The following ITGAE variants were observed in gnomAD, a reference collection of about 807,000 sequenced individuals.
ITGAE encodes integrin alpha-E.
A neutral mutation model predicts 136.5 loss-of-function variants in ITGAE; 99 were observed. The observed-to-expected ratio is 0.73, with a 90% CI of 0.62 to 0.86. The LOEUF (loss-of-function observed/expected upper bound fraction) is 0.86, where lower values mean the gene tolerates loss of function less well. Among genes scored for constraint, ITGAE ranks in the 40% least tolerant of loss-of-function variants. The pLI is 0.00. For missense variants in ITGAE, 1,447 were observed against 1,515.3 expected (o/e 0.95, Z 0.75); for synonymous variants, 613 against 591.8 (o/e 1.04, Z -0.52).
intron 20 of ITGAE, among the ~76,000 whole-genome samples, chr17:3,736,994 A>C (rs1040432281): frequency 2.0e-5 from 3 of 151,638 alleles, no homozygotes; most frequent in African/African-American, 7.3e-5. Flanking sequence ...TGCCTGAAAT[A>C]AGGAAACAGT....
rs1352631305 is a variant in ITGAE, at chr17:3,714,655, T to TACCA, written c.*188_*191dup. ...CAAAGAAAAGTGTAAATTTATTTAATACCAAATGTTTCCTAAGTTTACTTT... is the reference window on the plus strand; with the variant it reads ...CAAAGAAAAGTGTAAATTTATTTAATACCAACCAAATGTTTCCTAAGTTTACTTT... On this transcript the variant is annotated 3_prime_UTR_variant, in exon 31 of 31. Transcript: ENST00000263087. 1 of 451,046 alleles carries TACCA rather than the reference T, an allele frequency of 2.2e-6. No individual in the cohort carries two copies. The highest frequency in any genetic ancestry group is 3.5e-5 in the East Asian group (1 of 28,874). The allele number at this position is 451,046 out of a possible 1,614,324, so 27.9% of individuals were successfully genotyped here. A position where few individuals can be genotyped will look rare whatever the true frequency, so the allele number is the denominator to read the frequency against.
At position 3,776,054 on chromosome 17, in the gene ITGAE, C is replaced by CTTTTT. The variant is rs71153398; in HGVS notation, c.155+1481_155+1485dup. On this transcript the variant is annotated intron_variant, in intron 2 of 30. Coordinates refer to ENST00000263087, the MANE Select transcript of ITGAE (RefSeq NM_002208.5). Reference sequence around the variant, plus strand: ...ATGTGGCCAGAAATTGTGCTAAGCCCTTTTTTTTTTTTTTTTTTTTTGAGA... The same window carrying CTTTTT: ...ATGTGGCCAGAAATTGTGCTAAGCCCTTTTTTTTTTTTTTTTTTTTTTTTTTGAGA... 7.8e-4 allele frequency among the ~76,000 whole-genome samples: 96 copies of CTTTTT among 122,824 alleles called. 1 individual carries two copies. The highest frequency in any genetic ancestry group is 1.2e-3 in the African/African-American group (39 of 31,346). 80.6% of individuals were successfully genotyped at this position (122,824 alleles called of 152,430 possible).
At chr17:3,739,765 G>A (rs1204626592) in intron 20 of ITGAE, 40 bp downstream of exon 20, 2 of 1,557,120 alleles carry the variant, frequency 1.3e-6, no homozygotes, top group South Asian at 1.1e-5. Context: ...GCGTTCGGGA[G>A]AAGGTTAATC....
At chr17:3,734,731 C>G in intron 21 of ITGAE, 86 bp downstream of exon 21, 1 of 1,529,378 alleles carries the variant, frequency 6.5e-7, no homozygotes, top group Non-Finnish European at 9.0e-7. Context: ...GGCAGGGGTG[C>G]CAGTGAGGGG....
intron 1 of ITGAE, among the ~76,000 whole-genome samples, chr17:3,795,768 T>C (rs540411331): frequency 6.6e-6 from 1 of 151,554 alleles, no homozygotes; most frequent in East Asian, 1.9e-4. Context: ...TGAGACTGTG[T>C]ACGTGCGTGT....
intron 29 of ITGAE, chr17:3,718,233 A>C (rs2050979013): frequency 6.6e-6 from 1 of 152,256 alleles, no homozygotes; most frequent in African/African-American, 2.4e-5. Flanking sequence ...CTCACTAATA[A>C]GATGTAAGAG....
intron 2 of ITGAE, among the ~76,000 whole-genome samples, chr17:3,771,064 G>A (rs984509016): frequency 2.6e-5 from 4 of 151,346 alleles, no homozygotes; most frequent in Non-Finnish European, 5.9e-5. Context: ...CCCCAAAAAT[G>A]AGTACATTCT....
chr17:3,773,582 C>T (rs546036323), intron 2 of ITGAE, among the ~76,000 whole-genome samples: 30 of 150,892 alleles, frequency 2.0e-4, no homozygotes, highest in Non-Finnish European at 3.7e-4. Flanking sequence ...GCAAAGCTTC[C>T]ATGCCCTCTC....
intron 1 of ITGAE, chr17:3,784,291 T>A: frequency 2.8e-6 from 1 of 354,624 alleles, no homozygotes; most frequent in Non-Finnish European, 5.4e-6. Flanking sequence ...AAAATAAAAA[T>A]AAAAGCAGAC....
chr17:3,767,627 GGTTT>G (rs1219481531), intron 2 of ITGAE, among the ~76,000 whole-genome samples: 3 of 151,984 alleles, frequency 2.0e-5, no homozygotes, highest in Non-Finnish European at 4.4e-5. Context: ...TATTTTGTGG[GGTTT>G]GTTTGTTTTT....
intron 19 of ITGAE, among the ~76,000 whole-genome samples, chr17:3,741,533 C>T (rs1304240899): frequency 6.6e-6 from 1 of 152,134 alleles, no homozygotes; most frequent in East Asian, 1.9e-4. Flanking sequence ...GTTTTTTCCT[C>T]ACCCATTTTA....
chr17:3,747,228 C>T (rs911691901), intron 17 of ITGAE, among the ~76,000 whole-genome samples: 2 of 152,206 alleles, frequency 1.3e-5, no homozygotes, highest in Admixed American at 1.3e-4. Context: ...GGGGAGAAGA[C>T]ACAAGTCAGA....
At chr17:3,765,207 G>A (rs1027868541) in intron 2 of ITGAE, among the ~76,000 whole-genome samples, 18 of 151,958 alleles carry the variant, frequency 1.2e-4, no homozygotes, top group South Asian at 4.2e-4. Context: ...AAATTAGCCG[G>A]GCGTGGTGGC....
At chr17:3,730,413 C>A (rs2051313347) in intron 23 of ITGAE, 1 of 128,224 alleles carries the variant, frequency 7.8e-6, no homozygotes, top group Admixed American at 7.8e-5. Context: ...GATCACGCCA[C>A]AGCACTCCAG....
At chr17:3,750,776 T>C (rs2051846230) in intron 15 of ITGAE, among the ~76,000 whole-genome samples, 3 of 151,792 alleles carry the variant, frequency 2.0e-5, no homozygotes, top group Non-Finnish European at 2.9e-5. Context: ...CCACAGGGGA[T>C]TGGGGTACAA....
At chr17:3,795,894 T>C (rs1423547263) in intron 1 of ITGAE, among the ~76,000 whole-genome samples, 1 of 150,254 alleles carries the variant, frequency 6.7e-6, no homozygotes. Flanking sequence ...CATCCGTGTG[T>C]GTGCATCTGT....
chr17:3,797,166 T>A (rs1204686036), intron 1 of ITGAE, among the ~76,000 whole-genome samples: 47,407 of 107,046 alleles, frequency 0.44, 8,715 homozygotes, highest in Non-Finnish European at 0.47. Flanking sequence ...TATTTTTTTT[T>A]TTTTTTTTTT....
At chr17:3,800,894 G>A (rs2053241619) in intron 1 of ITGAE, among the ~76,000 whole-genome samples, 1 of 152,212 alleles carries the variant, frequency 6.6e-6, no homozygotes, top group Admixed American at 6.5e-5. Flanking sequence ...GGCCCTGGCT[G>A]ACAGAACTGG....
chr17:3,769,126 C>T (rs1019891395), intron 2 of ITGAE, among the ~76,000 whole-genome samples: 14 of 152,162 alleles, frequency 9.2e-5, no homozygotes, highest in African/African-American at 2.7e-4. Flanking sequence ...TGGGCTCCAC[C>T]GCAGACCCCG....
Sources: allele counts gnomAD v4.1 joint callset (sites outside exome capture counted in the v4.1 genomes callset), GRCh38; gene constraint gnomAD v4.1.1; transcripts MANE v1.5; gene names NCBI Gene and HGNC (gene_info 2026-07-23, HGNC 2026-07-21).